ANKRD11: variants seen among roughly 807,000 people sequenced by gnomAD.
ANKRD11 encodes ankyrin repeat domain 11.
Under a neutral mutation model 195.7 loss-of-function variants are expected in ANKRD11, and 17 were observed. The observed-to-expected ratio is 0.09, with a 90% CI of 0.06 to 0.13. ANKRD11 has a LOEUF of 0.13. ANKRD11 is among the 10% of genes least tolerant of loss of function. The probability of loss-of-function intolerance (pLI) is 1.00; values close to 1 mark genes in which losing one functional copy is unlikely to be tolerated. For missense variants in ANKRD11, 3,735 were observed against 3,566.1 expected, an observed-to-expected ratio of 1.05 and a Z score of -1.21; for synonymous variants, 1,953 against 1,528.1, an observed-to-expected ratio of 1.28 and a Z score of -6.49.
At chr16:89,428,369 C>G (rs888987271) in intron 1 of ANKRD11, among the ~76,000 whole-genome samples, 1 of 151,220 alleles carries the variant, frequency 6.6e-6, no homozygotes, top group Non-Finnish European at 1.5e-5. Context: ...ACTAAAAATA[C>G]AAAAAAATTA....
At chr16:89,395,097 C>G (rs1167723533) in intron 2 of ANKRD11, among the ~76,000 whole-genome samples, 1 of 152,218 alleles carries the variant, frequency 6.6e-6, no homozygotes, top group Admixed American at 6.5e-5. Context: ...AGTGACCAGG[C>G]TGAAGCACAG....
chr16:89,410,680 T>C (rs1461199274), intron 2 of ANKRD11, among the ~76,000 whole-genome samples: 1 of 152,242 alleles, frequency 6.6e-6, no homozygotes, highest in African/African-American at 2.4e-5. Flanking sequence ...TCCTAATAAA[T>C]AAATCATCCA....
chr16:89,274,571 G>A (rs964957769), intron 11 of ANKRD11, among the ~76,000 whole-genome samples: 3 of 152,218 alleles, frequency 2.0e-5, no homozygotes, highest in East Asian at 3.9e-4. Context: ...GAGCTGCTGA[G>A]GCCCAGCCCA....
intron 1 of ANKRD11, among the ~76,000 whole-genome samples, chr16:89,449,062 G>T (rs2043937852): frequency 6.6e-6 from 1 of 152,048 alleles, no homozygotes; most frequent in South Asian, 2.1e-4. Context: ...ACACAGAAAT[G>T]GAAATGGGCC....
rs538818978 is a variant in ANKRD11 at position 89,358,163 on chromosome 16, C to G, written c.-59-41085G>C. Among the ~76,000 whole-genome samples, 4 of 152,342 alleles carry G rather than the reference C, an allele frequency of 2.6e-5. No homozygotes were observed. The East Asian group carries it at 7.7e-4, about 29-fold the overall frequency. Reference sequence around the variant, plus strand: ...GGAGATGCTGCACCCACCCACGTGGCTTTGCTAGAATGCCACCACGTGCGG... The same window carrying G: ...GGAGATGCTGCACCCACCCACGTGGGTTTGCTAGAATGCCACCACGTGCGG... On this transcript the variant is annotated intron_variant, in intron 2 of 12. Coordinates refer to ENST00000301030, the MANE Select transcript of ANKRD11 (RefSeq NM_013275.6).
chr16:89,451,204 C>G (rs1249435538), intron 1 of ANKRD11, among the ~76,000 whole-genome samples: 2 of 152,156 alleles, frequency 1.3e-5, no homozygotes, highest in African/African-American at 4.8e-5. Flanking sequence ...ACTAGCCTAA[C>G]AAGTGGGTCA....
rs868427561 is a variant in ANKRD11, at chr16:89,428,163, G to A, written c.-144-9795C>T. On this transcript the variant is annotated intron_variant, in intron 1 of 12. Coordinates refer to ENST00000301030, the MANE Select transcript of ANKRD11 (RefSeq NM_013275.6). Reference sequence around the variant, plus strand: ...GCAGAGGTTGCAGTGAGCCAAGATCGTGCCACTGCACTACAGCCTAGGCAG... The same window carrying A: ...GCAGAGGTTGCAGTGAGCCAAGATCATGCCACTGCACTACAGCCTAGGCAG... 2.0e-4 allele frequency among the ~76,000 whole-genome samples: 31 copies of A among 152,132 alleles called. No homozygotes were observed. The Middle Eastern group carries it at 0.01, about 50-fold the overall frequency.
At chr16:89,317,453 G>A (rs564524260) in intron 2 of ANKRD11, among the ~76,000 whole-genome samples, 14 of 152,272 alleles carry the variant, frequency 9.2e-5, no homozygotes, top group African/African-American at 2.6e-4. Flanking sequence ...TCCCTTCCCC[G>A]CATTACAGGC....
chr16:89,476,759 C>G (rs1373327161), intron 1 of ANKRD11, among the ~76,000 whole-genome samples: 1 of 152,210 alleles, frequency 6.6e-6, no homozygotes, highest in Non-Finnish European at 1.5e-5. Flanking sequence ...AGGCCCACCC[C>G]AAACCACTTC....
chr16:89,481,808 G>A (rs764617133), intron 1 of ANKRD11, among the ~76,000 whole-genome samples: 4 of 151,802 alleles, frequency 2.6e-5, no homozygotes, highest in Non-Finnish European at 5.9e-5. Flanking sequence ...CGTTACATGC[G>A]GCCTTCCCAG....
chr16:89,426,670 C>G (rs112709248), intron 1 of ANKRD11, among the ~76,000 whole-genome samples: 1 of 152,150 alleles, frequency 6.6e-6, no homozygotes, highest in South Asian at 2.1e-4. Flanking sequence ...AGTAAACCCA[C>G]AGAATTCCAA....
At chr16:89,323,536 G>GCTGAGCCGAGGGCAGGGGGT (rs2037487922) in intron 2 of ANKRD11, among the ~76,000 whole-genome samples, 1 of 87,382 alleles carries the variant, frequency 1.1e-5, no homozygotes, top group African/African-American at 4.8e-5. Flanking sequence ...GGGCAGGGGG[G>GCTGAGCCGAGGGCAGGGGGT]CTGAGCCGAG....
intron 1 of ANKRD11, among the ~76,000 whole-genome samples, chr16:89,453,066 G>A (rs184260183): frequency 6.6e-4 from 101 of 152,282 alleles, no homozygotes; most frequent in African/African-American, 2.3e-3. Flanking sequence ...GATGACAGAT[G>A]TAAGCCACCA....
At chr16:89,329,647 A>G (rs1175747047) in intron 2 of ANKRD11, among the ~76,000 whole-genome samples, 4 of 152,190 alleles carry the variant, frequency 2.6e-5, no homozygotes, top group Non-Finnish European at 5.9e-5. Flanking sequence ...AGTATGAGGT[A>G]GGAGGTAAGC....
intron 2 of ANKRD11, among the ~76,000 whole-genome samples, chr16:89,335,246 C>T (rs2038289736): frequency 6.6e-6 from 1 of 152,126 alleles, no homozygotes; most frequent in African/African-American, 2.4e-5. Context: ...CGGGTGACAG[C>T]CTCACACCAC....
chr16:89,355,722 A>G (rs1196879646), intron 2 of ANKRD11, among the ~76,000 whole-genome samples: 2 of 152,234 alleles, frequency 1.3e-5, no homozygotes, highest in Admixed American at 6.5e-5. Flanking sequence ...TCATCTTGTT[A>G]TGAGCATCCA....
intron 3 of ANKRD11, among the ~76,000 whole-genome samples, chr16:89,312,639 A>C (rs1027287016): frequency 4.8e-5 from 2 of 41,750 alleles, no homozygotes; most frequent in African/African-American, 2.2e-4. Context: ...CCACGAGCCC[A>C]TGTGGGCCCA....
chr16:89,296,006 T>TTTTTTTTTTTG (rs1567600750), intron 4 of ANKRD11, among the ~76,000 whole-genome samples: 1 of 137,878 alleles, frequency 7.3e-6, no homozygotes, highest in Non-Finnish European at 1.6e-5. Flanking sequence ...TTTTTTTTTT[T>TTTTTTTTTTTG]GAGACAAGGT....
At chr16:89,394,698 C>A (rs1567744454) in intron 2 of ANKRD11, among the ~76,000 whole-genome samples, 1 of 151,720 alleles carries the variant, frequency 6.6e-6, no homozygotes, top group Non-Finnish European at 1.5e-5. Context: ...CTCAATAAAA[C>A]CTGCGAAGAC....
Sources: gnomAD v4.1 joint callset for allele counts (sites outside exome capture counted in the v4.1 genomes callset) on GRCh38, gnomAD v4.1.1 for gene constraint, MANE v1.5 for transcripts, NCBI Gene and HGNC (gene_info 2026-07-23, HGNC 2026-07-21) for gene names.